The following DSCAM variants were observed in gnomAD, a reference collection of about 807,000 sequenced individuals.
DSCAM encodes the protein DS cell adhesion molecule.
In DSCAM, 47 loss-of-function variants were observed where a neutral mutation model predicts 217.7. The ratio of observed to expected loss-of-function variants is 0.22; its 90% CI spans 0.17 to 0.28. DSCAM has a LOEUF of 0.28. Ranked by LOEUF, DSCAM falls within the 10% of genes least tolerant of loss-of-function variation. The pLI, the probability that DSCAM is intolerant of heterozygous loss-of-function variation, is 1.00. For synonymous variants in DSCAM, 1,056 were observed against 1,015.3 expected (o/e 1.04, Z -0.76); for missense variants, 2,080 against 2,618.3 (o/e 0.79, Z 4.49).
chr21:40,239,475 GA>G (rs1428742797), intron 11 of DSCAM, among the ~76,000 whole-genome samples: 23 of 152,162 alleles, frequency 1.5e-4, no homozygotes, highest in Non-Finnish European at 1.5e-5. Context: ...GATGAAAGAA[GA>G]GGCTCCTTCT....
intron 15 of DSCAM, among the ~76,000 whole-genome samples, chr21:40,177,544 A>G (rs2090746898): frequency 1.3e-5 from 2 of 152,218 alleles, no homozygotes; most frequent in Admixed American, 1.3e-4. Context: ...CACTGATTAC[A>G]GATATCAGAA....
intron 1 of DSCAM, among the ~76,000 whole-genome samples, chr21:40,797,149 T>C (rs949280719): frequency 2.0e-5 from 3 of 152,290 alleles, no homozygotes; most frequent in East Asian, 3.9e-4. Context: ...GGGGAAAAAA[T>C]GACACATTGT....
At chr21:40,777,320 T>G (rs2091497005) in intron 1 of DSCAM, among the ~76,000 whole-genome samples, 1 of 152,186 alleles carries the variant, frequency 6.6e-6, no homozygotes. Flanking sequence ...ACATATAAAT[T>G]TGGTGGGAGC....
At chr21:40,167,385 C>G in intron 15 of DSCAM, 97 bp from the exon 16 acceptor site, 1 of 1,031,660 alleles carries the variant, frequency 9.7e-7, no homozygotes, top group Non-Finnish European at 1.5e-6. Flanking sequence ...CAACCCATCC[C>G]TATGTTTGGC....
chr21:40,624,129 G>A (rs573745659), intron 3 of DSCAM, among the ~76,000 whole-genome samples: 2 of 152,260 alleles, frequency 1.3e-5, no homozygotes, highest in African/African-American at 4.8e-5. Flanking sequence ...GCCTCTCACA[G>A]AATGTTGTAT....
chr21:40,175,084 G>A (rs996486099), intron 15 of DSCAM, among the ~76,000 whole-genome samples: 1 of 152,132 alleles, frequency 6.6e-6, no homozygotes, highest in East Asian at 1.9e-4. Context: ...TAAACTGCAT[G>A]ACTTATACAC....
At chr21:40,293,033 G>A (rs776691741) in intron 10 of DSCAM, among the ~76,000 whole-genome samples, 1 of 152,140 alleles carries the variant, frequency 6.6e-6, no homozygotes, top group East Asian at 1.9e-4. Flanking sequence ...ACTGCACTTG[G>A]CCCATTACGA....
At chr21:40,097,897 T>A (rs1465270915) in intron 20 of DSCAM, among the ~76,000 whole-genome samples, 1 of 133,768 alleles carries the variant, frequency 7.5e-6, no homozygotes, top group South Asian at 2.3e-4. Flanking sequence ...GCCAAGATTG[T>A]GCCACTGCAC....
chr21:40,638,750 G>C (rs529697892), intron 3 of DSCAM, among the ~76,000 whole-genome samples: 12 of 152,274 alleles, frequency 7.9e-5, no homozygotes, highest in African/African-American at 2.9e-4. Context: ...CTCGCGGCTA[G>C]ACAGATGGGA....
intron 2 of DSCAM, among the ~76,000 whole-genome samples, chr21:40,694,566 T>C (rs2090575707): frequency 6.6e-6 from 1 of 152,292 alleles, no homozygotes; most frequent in East Asian, 1.9e-4. Flanking sequence ...TTAGCCGTTT[T>C]TCCCCAACTT....
chr21:40,626,934 T>C (rs1319268607), intron 3 of DSCAM, among the ~76,000 whole-genome samples: 1 of 152,228 alleles, frequency 6.6e-6, no homozygotes, highest in Non-Finnish European at 1.5e-5. Context: ...AGAAAGCATC[T>C]TGAGTTTATG....
intron 3 of DSCAM, among the ~76,000 whole-genome samples, chr21:40,627,253 A>G (rs1254435045): frequency 6.6e-6 from 1 of 152,222 alleles, no homozygotes; most frequent in African/African-American, 2.4e-5. Context: ...TGAAAAATTG[A>G]TAACAGATTT....
chr21:40,156,867 T>C (rs1385896555), intron 16 of DSCAM, among the ~76,000 whole-genome samples: 1 of 152,174 alleles, frequency 6.6e-6, no homozygotes, highest in Non-Finnish European at 1.5e-5. Context: ...TGTGGATCTT[T>C]GAACTGGAGA....
chr21:40,242,562 G>C (rs2073167923), intron 11 of DSCAM, among the ~76,000 whole-genome samples: 2 of 152,234 alleles, frequency 1.3e-5, no homozygotes, highest in Non-Finnish European at 2.9e-5. Context: ...CAGCAAATAA[G>C]CTGTGAGCAT....
chr21:40,140,385 G>A (rs540440491), intron 18 of DSCAM, among the ~76,000 whole-genome samples: 111 of 152,302 alleles, frequency 7.3e-4, no homozygotes, highest in African/African-American at 2.6e-3. Flanking sequence ...AGTTTTCAAA[G>A]CTTTAAAGGT....
chr21:40,449,382 C>G (rs1381656880), intron 3 of DSCAM, among the ~76,000 whole-genome samples: 1 of 152,140 alleles, frequency 6.6e-6, no homozygotes, highest in Non-Finnish European at 1.5e-5. Context: ...TATTCCTCAC[C>G]TGTAAGAGCT....
At chr21:40,559,005 A>G (rs2076694698) in intron 3 of DSCAM, among the ~76,000 whole-genome samples, 1 of 152,240 alleles carries the variant, frequency 6.6e-6, no homozygotes, top group South Asian at 2.1e-4. Context: ...TGTCTGTGGC[A>G]CTCCAGAAAA....
At chr21:40,105,754 T>A (rs1403583111) in intron 20 of DSCAM, among the ~76,000 whole-genome samples, 1 of 152,146 alleles carries the variant, frequency 6.6e-6, no homozygotes, top group African/African-American at 2.4e-5. Context: ...AAAAACAACA[T>A]CGACTTCCCT....
Position 40,692,879 on chromosome 21 carries a change from T to C in DSCAM, c.439A>G (p.Ile147Val), listed in dbSNP as rs2090552998. ...RGNVAVFKCI[I>V]PSSVEAYITV... is the part of the protein sequence containing the mutation. ...ATGTACGCCTCCACCGAGGAGGGGA[T>C]AATGCACTTGAAGACCGCAACATTG... is the stretch of plus-strand genomic sequence containing the variant. The change falls in exon 3 of 33, where the codon ATC (isoleucine) becomes GTC (valine). Residue 147 changes from isoleucine (I) to valine (V), a missense_variant. Ile to Val is a conservative substitution (Grantham distance 29). Around this residue, in one of 5 missense-constraint regions of DSCAM, gnomAD observed 568 missense variants for 678.1 expected, o/e 0.84. Coordinates refer to ENST00000400454, the MANE Select transcript of DSCAM (RefSeq NM_001389.5). The C allele has an allele frequency of 6.2e-7, 1 of 1,613,948 alleles. No homozygotes were observed. Among genetic ancestry groups the C allele is most frequent in the Non-Finnish European group, 8.5e-7 (1 of 1,179,908 alleles).
Sources: gnomAD v4.1 joint callset for allele counts (sites outside exome capture counted in the v4.1 genomes callset) on GRCh38, gnomAD v4.1.1 for gene constraint, gnomAD v4.1.1 regional missense constraint, MANE v1.5 for transcripts, NCBI Gene and HGNC (gene_info 2026-07-23, HGNC 2026-07-21) for gene names.